Variants in CDCA2 observed in about 807,000 individuals in gnomAD.
CDCA2 encodes cell division cycle-associated protein 2.
In CDCA2, 44 loss-of-function variants were observed where a neutral mutation model predicts 67.0. That is an observed-to-expected ratio of 0.66 (90% CI 0.52 to 0.84). CDCA2 has a LOEUF of 0.84. Among genes scored for constraint, CDCA2 ranks in the 40% least tolerant of loss-of-function variants. The pLI is 0.00. For missense variants in CDCA2, 1,253 were observed against 1,203.2 expected (o/e 1.04, Z -0.61); for synonymous variants, 447 against 418.7 (o/e 1.07, Z -0.82).
chr8:25,505,476 C>T (rs913068854), intron 14 of CDCA2, among the ~76,000 whole-genome samples: 3 of 152,206 alleles, frequency 2.0e-5, no homozygotes, highest in East Asian at 1.9e-4. Flanking sequence ...GCTGGGATTA[C>T]AGGCGTGAGC....
chr8:25,460,164 C>G, intron 1 of CDCA2, 76 bp from the exon 2 acceptor site: 1 of 1,412,886 alleles, frequency 7.1e-7, no homozygotes, highest in East Asian at 2.3e-5. Context: ...CAATTCAGTC[C>G]TGAATAAGGT....
At chr8:25,470,973 G>T (rs1803130272) in intron 7 of CDCA2, among the ~76,000 whole-genome samples, 1 of 152,080 alleles carries the variant, frequency 6.6e-6, no homozygotes, top group Non-Finnish European at 1.5e-5. Flanking sequence ...CATTGGCCAG[G>T]CTGGGCTTCA....
chr8:25,495,522 C>G (rs1163477892), intron 13 of CDCA2, among the ~76,000 whole-genome samples: 1 of 152,012 alleles, frequency 6.6e-6, no homozygotes, highest in Non-Finnish European at 1.5e-5. Flanking sequence ...TCATGCCATT[C>G]TCCTGCCTCG....
At chr8:25,490,724 T>C (rs1276281866) in intron 13 of CDCA2, among the ~76,000 whole-genome samples, 1 of 152,184 alleles carries the variant, frequency 6.6e-6, no homozygotes, top group East Asian at 1.9e-4. Flanking sequence ...GTCATCTAGA[T>C]TAAAGCCCTC....
chr8:25,473,726 A>G (rs1269719521), intron 7 of CDCA2, among the ~76,000 whole-genome samples: 3 of 152,232 alleles, frequency 2.0e-5, no homozygotes, highest in Non-Finnish European at 4.4e-5. Flanking sequence ...GAATTTGTGC[A>G]TGGTTAAAAT....
chr8:25,474,613 T>C (rs772150823), intron 7 of CDCA2, among the ~76,000 whole-genome samples: 4 of 152,234 alleles, frequency 2.6e-5, no homozygotes, highest in Non-Finnish European at 5.9e-5. Context: ...TCAAATGATA[T>C]TGCTAGCTGT....
intron 13 of CDCA2, among the ~76,000 whole-genome samples, chr8:25,489,989 C>G (rs191014176): frequency 6.6e-6 from 1 of 152,228 alleles, no homozygotes; most frequent in East Asian, 1.9e-4. Flanking sequence ...ACTTCCTTCC[C>G]CCTCTATGAA....
At chr8:25,473,496 A>T (rs556608433) in intron 7 of CDCA2, among the ~76,000 whole-genome samples, 1 of 152,190 alleles carries the variant, frequency 6.6e-6, no homozygotes, top group Non-Finnish European at 1.5e-5. Context: ...TGTGCATCAT[A>T]TGAGCATTTA....
At chr8:25,477,652 T>A (rs1803401977) in intron 7 of CDCA2, among the ~76,000 whole-genome samples, 2 of 152,214 alleles carry the variant, frequency 1.3e-5, no homozygotes, top group Admixed American at 1.3e-4. Flanking sequence ...TCTAGGTGAC[T>A]TCAAACATTA....
chr8:25,504,836 A>C (rs951021721), intron 14 of CDCA2, among the ~76,000 whole-genome samples: 1 of 152,132 alleles, frequency 6.6e-6, no homozygotes, highest in Non-Finnish European at 1.5e-5. Flanking sequence ...TCCATCACCT[A>C]GTTTTATGAT....
In CDCA2 at chr8:25,466,288, C is replaced by G; in HGVS notation, c.501C>G (p.Phe167Leu). 2 of 1,609,500 alleles carry G rather than the reference C, an allele frequency of 1.2e-6. No individual in the cohort carries two copies. The highest frequency in any genetic ancestry group is 8.5e-7 in the Non-Finnish European group (1 of 1,178,876). Residue 167 changes from phenylalanine (F) to leucine (L), a missense_variant, in exon 5 of 15, where the codon TTC (phenylalanine) becomes TTG (leucine). Coordinates refer to ENST00000330560, the MANE Select transcript of CDCA2 (RefSeq NM_152562.4). ...AGAAAATGACCGGCTGTCTGGAATT[C>G]TCAGAGGCAGGAAAAGAGTCCGAGA... Reference protein sequence around the residue: ...ENEKMTGCLEFSEAGKESEMT... With the variant: ...ENEKMTGCLELSEAGKESEMT...
chr8:25,483,045 C>T (rs1333639448), intron 8 of CDCA2, among the ~76,000 whole-genome samples: 2 of 152,148 alleles, frequency 1.3e-5, no homozygotes, highest in Non-Finnish European at 2.9e-5. Flanking sequence ...GGCCCTAAAA[C>T]TAATCTCCCA....
At chr8:25,498,461 C>CCCG (rs1554526850) in intron 13 of CDCA2, among the ~76,000 whole-genome samples, 3 of 124,576 alleles carry the variant, frequency 2.4e-5, no homozygotes, top group African/African-American at 5.5e-5. Flanking sequence ...GCACCCCCCC[C>CCCG]CCGCCCCCCA....
intron 13 of CDCA2, among the ~76,000 whole-genome samples, chr8:25,489,118 T>C (rs949993454): frequency 6.6e-6 from 1 of 152,178 alleles, no homozygotes; most frequent in Non-Finnish European, 1.5e-5. Flanking sequence ...GCTCTCAGTC[T>C]TTCTTAACAC....
intron 13 of CDCA2, among the ~76,000 whole-genome samples, chr8:25,491,201 C>A (rs1224862446): frequency 3.3e-5 from 5 of 151,826 alleles, no homozygotes; most frequent in African/African-American, 1.2e-4. Flanking sequence ...CTAGGAGACA[C>A]CATAGGACTC....
chr8:25,470,934 A>G (rs1803128312), intron 7 of CDCA2, among the ~76,000 whole-genome samples: 1 of 151,430 alleles, frequency 6.6e-6, no homozygotes, highest in Admixed American at 6.6e-5. Flanking sequence ...GCTAATTTTT[A>G]TGTTTTTAGT....
At chr8:25,467,714 A>G (rs1301822631) in intron 5 of CDCA2, among the ~76,000 whole-genome samples, 1 of 152,194 alleles carries the variant, frequency 6.6e-6, no homozygotes, top group Non-Finnish European at 1.5e-5. Context: ...TTTTCAATAG[A>G]CATGTTTTCA....
At chr8:25,460,744 C>T (rs1586455057) in intron 3 of CDCA2, among the ~76,000 whole-genome samples, 190 bp downstream of exon 3, 2 of 152,256 alleles carry the variant, frequency 1.3e-5, no homozygotes, top group Middle Eastern at 3.4e-3. Context: ...ATCACGGAAT[C>T]GCAGGGCACC....
intron 6 of CDCA2, 119 bp downstream of exon 6, chr8:25,468,532 GGTGTGT>G (rs3841182): frequency 3.5e-5 from 15 of 424,296 alleles, no homozygotes; most frequent in South Asian, 1.0e-4. Context: ...TGGTTCCTGG[GGTGTGT>G]GTGTGTGTGT....
Sources: gnomAD v4.1 joint callset for allele counts (sites outside exome capture counted in the v4.1 genomes callset) on GRCh38, gnomAD v4.1.1 for gene constraint, MANE v1.5 for transcripts, NCBI Gene and HGNC (gene_info 2026-07-23, HGNC 2026-07-21) for gene names.